The following ALK variants were observed in gnomAD, a reference collection of about 807,000 sequenced individuals.
The protein encoded by ALK is ALK receptor tyrosine kinase, also known as ALK tyrosine kinase receptor.
In ALK, 74 loss-of-function variants were observed where a neutral mutation model predicts 163.1. The observed-to-expected ratio is 0.45, with a 90% CI of 0.38 to 0.55. ALK has a LOEUF of 0.55. ALK is among the 20% of genes least tolerant of loss of function. The probability of loss-of-function intolerance (pLI) is 0.00; values close to 1 mark genes in which losing one functional copy is unlikely to be tolerated. For missense variants in ALK, 2,063 were observed against 2,105.3 expected, an observed-to-expected ratio of 0.98 and a Z score of 0.39; for synonymous variants, 960 against 843.2, an observed-to-expected ratio of 1.14 and a Z score of -2.40.
intron 3 of ALK, among the ~76,000 whole-genome samples, chr2:29,546,556 C>T (rs979582994): frequency 2.0e-5 from 3 of 152,018 alleles, no homozygotes; most frequent in African/African-American, 4.8e-5. Flanking sequence ...GGGAGCTGGG[C>T]GACCAGGGTG....
chr2:29,406,944 G>A (rs1669600091), intron 4 of ALK, among the ~76,000 whole-genome samples: 1 of 151,372 alleles, frequency 6.6e-6, no homozygotes. Context: ...GAAAGATCTG[G>A]CCTGTATAAT....
At chr2:29,222,903 C>T (rs762797014) in intron 20 of ALK, among the ~76,000 whole-genome samples, 31 of 152,180 alleles carry the variant, frequency 2.0e-4, no homozygotes, top group Non-Finnish European at 7.4e-5. Flanking sequence ...CACAGGGGTG[C>T]ATAAGCCATG....
At chr2:29,311,572 G>A (rs1159968119) in intron 8 of ALK, among the ~76,000 whole-genome samples, 1 of 152,190 alleles carries the variant, frequency 6.6e-6, no homozygotes. Context: ...GAAAAGTCAG[G>A]CTTATGACGT....
chr2:29,477,728 G>A (rs1671562249), intron 4 of ALK, among the ~76,000 whole-genome samples: 1 of 152,194 alleles, frequency 6.6e-6, no homozygotes, highest in Admixed American at 6.5e-5. Flanking sequence ...GGATGCGAGG[G>A]AACTGGAGGC....
chr2:29,568,972 G>A (rs773028485), intron 3 of ALK, among the ~76,000 whole-genome samples: 7 of 151,772 alleles, frequency 4.6e-5, no homozygotes, highest in Non-Finnish European at 1.0e-4. Context: ...CCTTGGGTGG[G>A]ACAGGGCGGG....
intron 1 of ALK, among the ~76,000 whole-genome samples, chr2:29,896,969 C>T (rs912226800): frequency 3.3e-5 from 5 of 152,158 alleles, no homozygotes; most frequent in Non-Finnish European, 5.9e-5. Flanking sequence ...TTGAGCAAAG[C>T]AGAGCTTAGA....
At chr2:29,616,996 T>G (rs1256024351) in intron 3 of ALK, among the ~76,000 whole-genome samples, 3 of 152,178 alleles carry the variant, frequency 2.0e-5, no homozygotes, top group Non-Finnish European at 4.4e-5. Context: ...CTGGTGAATA[T>G]GTACAGTGAT....
intron 1 of ALK, among the ~76,000 whole-genome samples, chr2:29,797,012 A>G (rs1664333533): frequency 6.6e-6 from 1 of 151,818 alleles, no homozygotes. Context: ...ACACACACAC[A>G]CACACACACA....
In ALK at chr2:29,831,253, GGAAGAGGAAGAAGAAGAAGAAGAAGAA is replaced by G. The variant is rs1665404585; in HGVS notation, c.667+88713_667+88739del. Among the ~76,000 whole-genome samples, 2 of 13,312 alleles carry G rather than the reference GGAAGAGGAAGAAGAAGAAGAAGAAGAA, an allele frequency of 1.5e-4. 1 individual carries two copies. The highest frequency in any genetic ancestry group is 3.7e-4 in the Non-Finnish European group (2 of 5,462). 8.7% of individuals were successfully genotyped at this position (13,312 alleles called of 152,430 possible). On this transcript the variant is annotated intron_variant, in intron 1 of 28. Transcript: ENST00000389048. ...AAGAAGAGGAAGAAGAAGAGGAAGA[GGAAGAGGAAGAAGAAGAAGAAGAAGAA>G]GAAGAAGAAGAAGAAGAAGAAGAAG...
chr2:29,533,187 C>A (rs544677004), intron 3 of ALK, among the ~76,000 whole-genome samples: 1 of 152,170 alleles, frequency 6.6e-6, no homozygotes, highest in Non-Finnish European at 1.5e-5. Flanking sequence ...GGATCGAGAA[C>A]GTGAACCCTC....
chr2:29,831,550 C>A (rs1026465819), intron 1 of ALK, among the ~76,000 whole-genome samples: 2 of 152,198 alleles, frequency 1.3e-5, no homozygotes, highest in Non-Finnish European at 2.9e-5. Context: ...CTAGCTCCAA[C>A]TCTGTTGATC....
intron 4 of ALK, among the ~76,000 whole-genome samples, chr2:29,530,832 C>A (rs1222538990): frequency 2.6e-5 from 4 of 152,174 alleles, no homozygotes; most frequent in Non-Finnish European, 5.9e-5. Context: ...ATTTCAGAGG[C>A]AAGAAGATGG....
At chr2:29,280,516 A>G (rs181874142) in intron 9 of ALK, among the ~76,000 whole-genome samples, 66 of 151,440 alleles carry the variant, frequency 4.4e-4, no homozygotes, top group African/African-American at 1.5e-3. Context: ...AAGTTCTAGT[A>G]TGTACCAGGT....
chr2:29,527,694 G>C (rs1672992273), intron 4 of ALK, among the ~76,000 whole-genome samples: 1 of 151,882 alleles, frequency 6.6e-6, no homozygotes, highest in Non-Finnish European at 1.5e-5. Context: ...TATTTTTTTT[G>C]TAGAGGTTGG....
At chr2:29,786,981 A>C in intron 1 of ALK, among the ~76,000 whole-genome samples, 1 of 152,114 alleles carries the variant, frequency 6.6e-6, no homozygotes, top group Non-Finnish European at 1.5e-5. Flanking sequence ...ATTTTTAGTA[A>C]AGACAGGGTT....
chr2:29,516,497 C>T (rs560657526), intron 4 of ALK, among the ~76,000 whole-genome samples: 29 of 152,278 alleles, frequency 1.9e-4, no homozygotes, highest in African/African-American at 6.3e-4. Flanking sequence ...TCTCTTCTCA[C>T]GGGTACTTTT....
At chr2:29,554,455 G>A (rs1406080582) in intron 3 of ALK, among the ~76,000 whole-genome samples, 1 of 152,174 alleles carries the variant, frequency 6.6e-6, no homozygotes, top group Non-Finnish European at 1.5e-5. Flanking sequence ...ATTGTTCTTG[G>A]ATGGGTTTTC....
intron 3 of ALK, among the ~76,000 whole-genome samples, chr2:29,692,332 G>A (rs1678423261): frequency 6.6e-6 from 1 of 152,194 alleles, no homozygotes; most frequent in Non-Finnish European, 1.5e-5. Flanking sequence ...TGAAATGGAA[G>A]ATGTTCTGAC....
intron 4 of ALK, among the ~76,000 whole-genome samples, chr2:29,489,332 G>A (rs912255645): frequency 6.6e-6 from 1 of 152,128 alleles, no homozygotes; most frequent in Non-Finnish European, 1.5e-5. Context: ...TAGAGACAAA[G>A]TCTTGCTCTG....
Sources: gnomAD v4.1 joint callset for allele counts (sites outside exome capture counted in the v4.1 genomes callset) on GRCh38, gnomAD v4.1.1 for gene constraint, MANE v1.5 for transcripts, NCBI Gene and HGNC (gene_info 2026-07-23, HGNC 2026-07-21) for gene names.